The following RMDN1 variants were observed in gnomAD, a reference collection of about 807,000 sequenced individuals.
RMDN1 encodes the protein regulator of microtubule dynamics 1.
Under a neutral mutation model 48.9 loss-of-function variants are expected in RMDN1, and 48 were observed. The observed-to-expected ratio is 0.98, with a 90% CI of 0.78 to 1.25. RMDN1 has a LOEUF of 1.25. Among genes scored for constraint, RMDN1 ranks in the 50% most tolerant of loss-of-function variants. The pLI is 0.00. For synonymous variants in RMDN1, 148 were observed against 132.6 expected, an observed-to-expected ratio of 1.12 and a Z score of -0.80; for missense variants, 418 against 373.4, an observed-to-expected ratio of 1.12 and a Z score of -0.98.
chr8:86,508,315 TGGA>T (rs1253077409), intron 1 of RMDN1, 174 bp downstream of exon 1: 12 of 622,178 alleles, frequency 1.9e-5, no homozygotes, highest in Non-Finnish European at 2.9e-5. Context: ...TTAAGGATAG[TGGA>T]GGTTTGCAAA....
In RMDN1 at chr8:86,491,172, G is replaced by A. The variant is rs150236011; in HGVS notation, c.248-2533C>T. Among the ~76,000 whole-genome samples, 494 of 151,864 alleles carry A rather than the reference G, an allele frequency of 3.3e-3. 2 individuals are homozygous for A. The highest frequency in any genetic ancestry group is 0.011 in the African/African-American group (475 of 41,392). On this transcript the variant is annotated intron_variant, in intron 2 of 9. Coordinates refer to ENST00000406452, the MANE Select transcript of RMDN1 (RefSeq NM_016033.3). ...TTTATTTGAGATGGAGTCTCACTCT[G>A]TCGTCAGGCTGGAGTGCAGCGGCAC...
intron 2 of RMDN1, chr8:86,503,470 C>T (rs1385939300): frequency 4.6e-5 from 9 of 197,742 alleles, no homozygotes; most frequent in African/African-American, 1.2e-4. Context: ...GGAGAAAACT[C>T]GTTTCTGAGA....
At chr8:86,471,656 A>AGGG (rs1366548163), downstream of RMDN1, among the ~76,000 whole-genome samples, 7 of 152,336 alleles carry the variant, frequency 4.6e-5, no homozygotes, top group Middle Eastern at 3.4e-3. Context: ...ATGTAAAATA[A>AGGG]GGGATATGGA....
At position 86,472,609 on chromosome 8, in the gene RMDN1, T is replaced by A; in HGVS notation, c.*1699A>T. The stretch of plus-strand genomic sequence containing the variant: ...GGTTTCTGGTGATGCTACTGTTGCC[T>A]AGCTACCCTGACCACATTATTTTTT... On this transcript the variant is annotated 3_prime_UTR_variant, in exon 10 of 10. Coordinates refer to ENST00000406452, the MANE Select transcript of RMDN1 (RefSeq NM_016033.3). 1 of 634,616 alleles carries A rather than the reference T, an allele frequency of 1.6e-6. No homozygotes were observed. Among genetic ancestry groups the A allele is most frequent in the South Asian group, 1.9e-5 (1 of 53,820 alleles). The allele number at this position is 634,616 out of a possible 1,614,324, so 39.3% of individuals were successfully genotyped here.
At chr8:86,499,231 G>C (rs1219719531) in intron 2 of RMDN1, among the ~76,000 whole-genome samples, 1 of 152,048 alleles carries the variant, frequency 6.6e-6, no homozygotes, top group African/African-American at 2.4e-5. Context: ...TCAGTCAAGA[G>C]AAAGAAAGGA....
At chr8:86,482,873 G>T in intron 5 of RMDN1, 1 of 1,148,256 alleles carries the variant, frequency 8.7e-7, no homozygotes, top group South Asian at 1.2e-5. Context: ...AGAAGGCCCT[G>T]GGGTCCCAGT....
At chr8:86,496,128 T>C (rs1215823451) in intron 2 of RMDN1, among the ~76,000 whole-genome samples, 1 of 152,232 alleles carries the variant, frequency 6.6e-6, no homozygotes, top group African/African-American at 2.4e-5. Flanking sequence ...CCATCAGATC[T>C]GCCTTACAAG....
intron 2 of RMDN1, among the ~76,000 whole-genome samples, chr8:86,499,670 TCA>T (rs1373862625): frequency 7.0e-6 from 1 of 143,086 alleles, no homozygotes; most frequent in Non-Finnish European, 1.5e-5. Flanking sequence ...ATATCATCTT[TCA>T]CAGAGTTACA....
At chr8:86,510,377 C>T (rs549761629), upstream of RMDN1, among the ~76,000 whole-genome samples, 16 of 151,404 alleles carry the variant, frequency 1.1e-4, no homozygotes, top group African/African-American at 3.9e-4. Flanking sequence ...ATTTTTTTTT[C>T]TAAATTCAAG....
chr8:86,480,459 A>G (rs1452188959), intron 5 of RMDN1, 127 bp from the exon 6 acceptor site: 19 of 507,018 alleles, frequency 3.7e-5, no homozygotes, highest in Non-Finnish European at 5.8e-5. Flanking sequence ...TCCCATTATA[A>G]TATCAACTTT....
intron 2 of RMDN1, among the ~76,000 whole-genome samples, chr8:86,497,297 T>C (rs1315463966): frequency 6.6e-6 from 1 of 152,038 alleles, no homozygotes; most frequent in Non-Finnish European, 1.5e-5. Flanking sequence ...AGAGCTGAAC[T>C]GAACTGAACA....
chr8:86,482,838 T>G (rs1013391946), intron 5 of RMDN1: 44 of 1,137,112 alleles, frequency 3.9e-5, no homozygotes, highest in Non-Finnish European at 5.9e-5. Context: ...GGGAGGTCAC[T>G]GCGAGCTCTC....
At chr8:86,480,496 C>T (rs764112133) in intron 5 of RMDN1, among the ~76,000 whole-genome samples, 164 bp from the exon 6 acceptor site, 4 of 152,024 alleles carry the variant, frequency 2.6e-5, no homozygotes, top group African/African-American at 9.7e-5. Context: ...TGATTAAATT[C>T]ATTTCAAAAC....
intron 7 of RMDN1, chr8:86,477,563 T>C: frequency 2.6e-6 from 1 of 381,666 alleles, no homozygotes. Context: ...TGTTTAGAAC[T>C]TGTACCAAAC....
At chr8:86,485,140 C>T (rs375847566) in intron 4 of RMDN1, among the ~76,000 whole-genome samples, 179 bp from the exon 5 acceptor site, 10 of 152,108 alleles carry the variant, frequency 6.6e-5, no homozygotes, top group African/African-American at 1.2e-4. Context: ...TCTAGAAACT[C>T]AGGAATAGGG....
intron 1 of RMDN1, chr8:86,514,157 T>A (rs865953250): frequency 1.9e-5 from 12 of 643,148 alleles, no homozygotes; most frequent in Non-Finnish European, 2.3e-5. Context: ...CCCAGTCTTC[T>A]CAGTTCAGAT....
At chr8:86,484,798 A>T in intron 5 of RMDN1, 74 bp downstream of exon 5, 1 of 842,466 alleles carries the variant, frequency 1.2e-6, no homozygotes, top group Non-Finnish European at 1.9e-6. Flanking sequence ...ATACAGCAAT[A>T]GATAATGAAA....
In RMDN1 at chr8:86,486,478, A is replaced by T; in HGVS notation, c.495+6T>A. The T allele has an allele frequency of 6.3e-7, 1 of 1,580,288 alleles. No individual in the cohort carries two copies. Among genetic ancestry groups the T allele is most frequent in the Non-Finnish European group, 8.6e-7 (1 of 1,160,132 alleles). ...ACATGGTTAATAGCTTAGTTAAGCA[A>T]CTCACCTTATGAGATGCAAAACTTG... On this transcript the variant is annotated splice_donor_region_variant and intron_variant, in intron 4 of 9. Transcript: ENST00000406452.
chr8:86,468,718 C>G (rs1563564512), downstream of RMDN1: 1 of 456,152 alleles, frequency 2.2e-6, no homozygotes, highest in South Asian at 1.5e-5. Flanking sequence ...CTACAAGAGA[C>G]AAAACCAGCT....
Sources: gnomAD v4.1 joint callset for allele counts (sites outside exome capture counted in the v4.1 genomes callset) on GRCh38, gnomAD v4.1.1 for gene constraint, MANE v1.5 for transcripts, NCBI Gene and HGNC (gene_info 2026-07-23, HGNC 2026-07-21) for gene names.